Variants in CHST11 observed in about 807,000 individuals in gnomAD.
CHST11 encodes carbohydrate sulfotransferase 11.
CHST11 carries 9 observed loss-of-function variants against 30.4 expected under a neutral mutation model. The ratio of observed to expected loss-of-function variants is 0.30; its 90% CI spans 0.18 to 0.52. CHST11 has a LOEUF of 0.52. Ranked by LOEUF, CHST11 falls within the 20% of genes least tolerant of loss-of-function variation. CHST11 has a pLI of 0.97. For missense variants in CHST11, 348 were observed against 460.6 expected (o/e 0.76, Z 2.24); for synonymous variants, 152 against 187.8 (o/e 0.81, Z 1.56).
intron 1 of CHST11, among the ~76,000 whole-genome samples, chr12:104,598,288 A>G (rs2038925681): frequency 6.6e-6 from 1 of 152,204 alleles, no homozygotes; most frequent in Non-Finnish European, 1.5e-5. Context: ...AAAAGCCCCC[A>G]GTGGTCTAAA....
intron 1 of CHST11, among the ~76,000 whole-genome samples, chr12:104,569,625 G>T (rs1565990577): frequency 6.6e-6 from 1 of 152,204 alleles, no homozygotes; most frequent in Non-Finnish European, 1.5e-5. Context: ...AGAACATAAT[G>T]AAGTGGGGGA....
intron 2 of CHST11, among the ~76,000 whole-genome samples, chr12:104,653,555 G>A (rs2039514636): frequency 6.6e-6 from 1 of 152,128 alleles, no homozygotes; most frequent in Non-Finnish European, 1.5e-5. Flanking sequence ...GAAAACAAAC[G>A]CCGTCTCCCA....
chr12:104,628,134 A>T (rs1046303809), intron 2 of CHST11, among the ~76,000 whole-genome samples: 1 of 152,170 alleles, frequency 6.6e-6, no homozygotes, highest in Non-Finnish European at 1.5e-5. Flanking sequence ...CAAGGCTTTT[A>T]GAAGTCATTT....
intron 2 of CHST11, among the ~76,000 whole-genome samples, chr12:104,671,854 G>A (rs2039700751): frequency 6.6e-6 from 1 of 152,050 alleles, no homozygotes; most frequent in African/African-American, 2.4e-5. Context: ...TTGTCACCTT[G>A]TAGGCGTGTG....
intron 1 of CHST11, among the ~76,000 whole-genome samples, chr12:104,471,136 G>C (rs1438066402): frequency 1.3e-5 from 2 of 152,158 alleles, no homozygotes; most frequent in Non-Finnish European, 2.9e-5. Context: ...GTCAGAATGA[G>C]GGGATAGATG....
intron 1 of CHST11, among the ~76,000 whole-genome samples, chr12:104,550,694 G>C (rs957692794): frequency 2.6e-5 from 4 of 152,220 alleles, no homozygotes; most frequent in Non-Finnish European, 5.9e-5. Context: ...CATTTTAAAA[G>C]TCAGTGTGCT....
chr12:104,488,671 G>A lies in CHST11; in HGVS notation c.118+31142G>A, dbSNP rs563188883. ...TGTGTGTGTGTATGTGTGCGTGTAT[G>A]TGTATGCGTCTGTGTATGCGTATGT... On this transcript the variant is annotated intron_variant, in intron 1 of 2. Coordinates refer to ENST00000303694, the MANE Select transcript of CHST11 (RefSeq NM_018413.6). 2.2e-3 allele frequency among the ~76,000 whole-genome samples: 334 copies of A among 151,002 alleles called. 2 individuals are homozygous for A. Among genetic ancestry groups the A allele is most frequent in the African/African-American group, 7.6e-3 (313 of 41,180 alleles).
intron 2 of CHST11, among the ~76,000 whole-genome samples, chr12:104,736,634 G>A (rs1052453158): frequency 5.3e-5 from 8 of 152,180 alleles, no homozygotes; most frequent in Admixed American, 1.3e-4. Context: ...CCCACTGCAC[G>A]TACAACTCGG....
chr12:104,505,663 A>G (rs1408609982), intron 1 of CHST11, among the ~76,000 whole-genome samples: 1 of 152,234 alleles, frequency 6.6e-6, no homozygotes, highest in East Asian at 1.9e-4. Context: ...AAGTTTATTC[A>G]TCTGCAAAAT....
At chr12:104,487,316 C>G (rs1305246474) in intron 1 of CHST11, among the ~76,000 whole-genome samples, 3 of 152,182 alleles carry the variant, frequency 2.0e-5, no homozygotes, top group Non-Finnish European at 2.9e-5. Flanking sequence ...GGCAGGAGTG[C>G]AGTGGCATGA....
At chr12:104,629,085 T>A (rs1309544425) in intron 2 of CHST11, among the ~76,000 whole-genome samples, 1 of 152,138 alleles carries the variant, frequency 6.6e-6, no homozygotes, top group Admixed American at 6.5e-5. Flanking sequence ...CGATCTAGAG[T>A]TGCAAATTGC....
intron 1 of CHST11, among the ~76,000 whole-genome samples, chr12:104,589,335 A>G (rs2038835241): frequency 6.6e-6 from 1 of 151,292 alleles, no homozygotes; most frequent in African/African-American, 2.4e-5. Flanking sequence ...TGGAAGGCAG[A>G]GGTTGCAGTG....
intron 2 of CHST11, among the ~76,000 whole-genome samples, chr12:104,631,829 C>G (rs989795068): frequency 6.6e-6 from 1 of 152,200 alleles, no homozygotes; most frequent in South Asian, 2.1e-4. Context: ...ATTGCAGGGT[C>G]GGAGCCACGG....
intron 2 of CHST11, among the ~76,000 whole-genome samples, chr12:104,631,405 T>C (rs1479832512): frequency 6.6e-6 from 1 of 152,194 alleles, no homozygotes; most frequent in African/African-American, 2.4e-5. Context: ...TTCTGGCCTC[T>C]CATCCCCCAG....
rs532011872 is a variant in CHST11 at position 104,473,814 on chromosome 12, A to T, written c.118+16285A>T. On this transcript the variant is annotated intron_variant, in intron 1 of 2. Coordinates refer to ENST00000303694, the MANE Select transcript of CHST11 (RefSeq NM_018413.6). ...GCCTGTATTTTCTCTGCTAGACTGT[A>T]GCACTTGACGCCTGTCGATGAATAA... 2.0e-5 allele frequency among the ~76,000 whole-genome samples: 3 copies of T among 152,144 alleles called. No individual in the cohort carries two copies. The South Asian group carries it at 6.2e-4, about 32-fold the overall frequency.
chr12:104,546,035 G>A (rs1235769070), intron 1 of CHST11, among the ~76,000 whole-genome samples: 2 of 151,986 alleles, frequency 1.3e-5, no homozygotes, highest in African/African-American at 4.8e-5. Flanking sequence ...CCTCCCACAG[G>A]CTCCACCTTC....
intron 1 of CHST11, among the ~76,000 whole-genome samples, chr12:104,558,909 AG>A (rs2038486224): frequency 6.6e-6 from 1 of 151,970 alleles, no homozygotes; most frequent in Non-Finnish European, 1.5e-5. Context: ...AAATGATTTT[AG>A]GTTTCTATGT....
intron 1 of CHST11, among the ~76,000 whole-genome samples, chr12:104,593,073 TATACCAAGC>T (rs1262479183): frequency 1.3e-5 from 2 of 152,240 alleles, no homozygotes; most frequent in Non-Finnish European, 2.9e-5. Context: ...TTTCCCAAGC[TATACCAAGC>T]ACATTCACGT....
chr12:104,457,346 G>A lies in CHST11; in HGVS notation c.-66G>A, dbSNP rs1363686724. 1.6e-5 allele frequency: 19 copies of A among 1,178,120 alleles called. No homozygotes were observed. Among genetic ancestry groups the A allele is most frequent in the Non-Finnish European group, 2.4e-5 (19 of 800,700 alleles). 73.0% of individuals were successfully genotyped at this position (1,178,120 alleles called of 1,614,324 possible). A position where few individuals can be genotyped will look rare whatever the true frequency, so the allele number is the denominator to read the frequency against. The stretch of plus-strand genomic sequence containing the variant: ...TCCCGGGCTCCGGTCCGCGCGGCGG[G>A]GTCCCTGCTCCTGCGCCCCGGGCGC... On this transcript the variant is annotated 5_prime_UTR_variant, in exon 1 of 3. Coordinates refer to ENST00000303694, the MANE Select transcript of CHST11 (RefSeq NM_018413.6).
Sources: gnomAD v4.1 joint callset for allele counts (sites outside exome capture counted in the v4.1 genomes callset) on GRCh38, gnomAD v4.1.1 for gene constraint, MANE v1.5 for transcripts, NCBI Gene and HGNC (gene_info 2026-07-23, HGNC 2026-07-21) for gene names.